PTPRO: variants seen among roughly 807,000 people sequenced by gnomAD.
PTPRO encodes receptor-type tyrosine-protein phosphatase O.
In PTPRO, 62 loss-of-function variants were observed where a neutral mutation model predicts 145.2. The observed-to-expected ratio is 0.43, with a 90% CI of 0.35 to 0.53. The LOEUF is 0.53. Ranked by LOEUF, PTPRO falls within the 20% of genes least tolerant of loss-of-function variation. PTPRO has a pLI of 0.01. For synonymous variants in PTPRO, 565 were observed against 514.7 expected, an observed-to-expected ratio of 1.10 and a Z score of -1.32; for missense variants, 1,345 against 1,482.7, an observed-to-expected ratio of 0.91 and a Z score of 1.53.
intron 2 of PTPRO, among the ~76,000 whole-genome samples, chr12:15,496,081 G>A (rs2080473): frequency 1 from 150,505 of 150,802 alleles, 75,106 homozygotes; most frequent in Non-Finnish European, 1. Flanking sequence ...TCACAGTTAC[G>A]TCTTTTGGGG....
intron 1 of PTPRO, among the ~76,000 whole-genome samples, chr12:15,459,460 G>T (rs143440478): frequency 6.6e-6 from 1 of 152,204 alleles, no homozygotes; most frequent in African/African-American, 2.4e-5. Context: ...CTGGGAACTG[G>T]GGGTTTCCTC....
intron 1 of PTPRO, among the ~76,000 whole-genome samples, chr12:15,423,614 A>G (rs997976369): frequency 7.2e-5 from 11 of 152,200 alleles, no homozygotes; most frequent in Admixed American, 2.0e-4. Flanking sequence ...GATGAATGCC[A>G]ACATTTTGAT....
intron 1 of PTPRO, among the ~76,000 whole-genome samples, chr12:15,465,143 G>A (rs1941388827): frequency 6.6e-6 from 1 of 152,164 alleles, no homozygotes; most frequent in African/African-American, 2.4e-5. Flanking sequence ...GGTGCAATAA[G>A]TTGAATACTG....
In PTPRO at chr12:15,430,825, G is replaced by A. The variant is rs59082708; in HGVS notation, c.76-53149G>A. ...CATATATCAAAAAATTATGTTGTAC[G>A]GTATAAATATATACAATTTTGTCAA... On this transcript the variant is annotated intron_variant, in intron 1 of 26. Coordinates refer to ENST00000281171, the MANE Select transcript of PTPRO (RefSeq NM_030667.3). Among the ~76,000 whole-genome samples, 404 of 151,918 alleles carry A rather than the reference G, an allele frequency of 2.7e-3. 4 individuals carry two copies. Among genetic ancestry groups the A allele is most frequent in the African/African-American group, 9.4e-3 (389 of 41,424 alleles).
chr12:15,457,890 C>T (rs1333416860), intron 1 of PTPRO, among the ~76,000 whole-genome samples: 1 of 152,180 alleles, frequency 6.6e-6, no homozygotes, highest in Non-Finnish European at 1.5e-5. Flanking sequence ...GTAATTTACA[C>T]AGCACCATTA....
chr12:15,412,864 T>G (rs1211723693), intron 1 of PTPRO, among the ~76,000 whole-genome samples: 1 of 152,108 alleles, frequency 6.6e-6, no homozygotes, highest in Non-Finnish European at 1.5e-5. Context: ...CGCAATCTCG[T>G]CTCACTACAA....
At chr12:15,568,897 C>T (rs1438093275) in intron 18 of PTPRO, among the ~76,000 whole-genome samples, 1 of 152,164 alleles carries the variant, frequency 6.6e-6, no homozygotes, top group Non-Finnish European at 1.5e-5. Context: ...AGCACAATTC[C>T]TTATACTTGT....
At chr12:15,343,975 C>T (rs1867106184) in intron 1 of PTPRO, among the ~76,000 whole-genome samples, 1 of 152,200 alleles carries the variant, frequency 6.6e-6, no homozygotes, top group Admixed American at 6.5e-5. Flanking sequence ...TGAGCCACCG[C>T]GCCCGGCCAT....
chr12:15,583,767 C>T (rs746702766), intron 23 of PTPRO, among the ~76,000 whole-genome samples: 1 of 152,000 alleles, frequency 6.6e-6, no homozygotes, highest in South Asian at 2.1e-4. Flanking sequence ...AAAGATTGCC[C>T]GTATCAATAC....
chr12:15,497,527 A>G, intron 3 of PTPRO, 124 bp downstream of exon 3: 1 of 1,010,196 alleles, frequency 9.9e-7, no homozygotes, highest in Non-Finnish European at 1.5e-6. Flanking sequence ...TAAATGAGCC[A>G]TTAAAAATAA....
intron 1 of PTPRO, among the ~76,000 whole-genome samples, chr12:15,441,208 A>C (rs186789423): frequency 7.7e-4 from 118 of 152,366 alleles, no homozygotes; most frequent in Admixed American, 3.5e-3. Context: ...AAATCTCTTA[A>C]AACTACACAA....
At chr12:15,587,832 A>C (rs1944461983) in intron 24 of PTPRO, among the ~76,000 whole-genome samples, 1 of 152,248 alleles carries the variant, frequency 6.6e-6, no homozygotes, top group South Asian at 2.1e-4. Context: ...GAAGATGTGA[A>C]GGGAAGCATT....
intron 1 of PTPRO, among the ~76,000 whole-genome samples, chr12:15,445,536 ATG>A (rs902424373): frequency 1.3e-4 from 20 of 152,146 alleles, no homozygotes; most frequent in African/African-American, 4.8e-4. Context: ...TGTGTCAAAA[ATG>A]TATTTGGTTG....
intron 1 of PTPRO, among the ~76,000 whole-genome samples, chr12:15,399,396 A>G (rs1939428208): frequency 6.6e-6 from 1 of 152,204 alleles, no homozygotes; most frequent in Admixed American, 6.5e-5. Context: ...CAGGTAAAGT[A>G]AAAAAGTAAT....
intron 2 of PTPRO, among the ~76,000 whole-genome samples, chr12:15,485,633 G>A (rs148083385): frequency 6.6e-6 from 1 of 152,206 alleles, no homozygotes; most frequent in African/African-American, 2.4e-5. Context: ...AATGACGGTC[G>A]CTGATCCAAC....
chr12:15,402,221 C>T (rs1939515108), intron 1 of PTPRO, among the ~76,000 whole-genome samples: 2 of 152,080 alleles, frequency 1.3e-5, no homozygotes, highest in Non-Finnish European at 2.9e-5. Flanking sequence ...AACCTCATCT[C>T]TATTAAAAAT....
intron 14 of PTPRO, among the ~76,000 whole-genome samples, chr12:15,551,045 G>C (rs2135560139): frequency 6.6e-6 from 1 of 152,278 alleles, no homozygotes; most frequent in East Asian, 1.9e-4. Context: ...TCTGCTTCTA[G>C]TAATGTGTTA....
chr12:15,500,210 C>T (rs1942191899), intron 4 of PTPRO, among the ~76,000 whole-genome samples: 1 of 152,002 alleles, frequency 6.6e-6, no homozygotes, highest in African/African-American at 2.4e-5. Flanking sequence ...TGCCTGAATA[C>T]TCAATAGGAA....
intron 2 of PTPRO, among the ~76,000 whole-genome samples, chr12:15,489,353 C>A (rs1409073664): frequency 6.6e-6 from 1 of 152,188 alleles, no homozygotes; most frequent in Non-Finnish European, 1.5e-5. Context: ...AGAATGGCTA[C>A]TCCATAAGCA....
Sources: gnomAD v4.1 joint callset for allele counts (sites outside exome capture counted in the v4.1 genomes callset) on GRCh38, gnomAD v4.1.1 for gene constraint, MANE v1.5 for transcripts, NCBI Gene and HGNC (gene_info 2026-07-23, HGNC 2026-07-21) for gene names.